Variants in TRPM3 observed in about 807,000 individuals in gnomAD.
TRPM3 encodes the protein long transient receptor potential channel 3.
TRPM3 carries 77 observed loss-of-function variants against 181.2 expected under a neutral mutation model. The ratio of observed to expected loss-of-function variants is 0.42; its 90% CI spans 0.35 to 0.51. The LOEUF (loss-of-function observed/expected upper bound fraction) is 0.51. Among genes scored for constraint, TRPM3 ranks in the 20% least tolerant of loss-of-function variants. TRPM3 has a pLI of 0.01. For synonymous variants in TRPM3, 745 were observed against 796.4 expected (o/e 0.94, Z 1.09); for missense variants, 1,759 against 2,196.7 (o/e 0.80, Z 3.98).
chr9:70,947,059 G>A (rs573958787), intron 1 of TRPM3, among the ~76,000 whole-genome samples: 6 of 152,074 alleles, frequency 3.9e-5, no homozygotes, highest in South Asian at 2.1e-4. Context: ...ACATGTATAC[G>A]CATTTTATTT....
At chr9:71,073,169 C>T (rs1035645574) in intron 1 of TRPM3, among the ~76,000 whole-genome samples, 2 of 152,042 alleles carry the variant, frequency 1.3e-5, no homozygotes, top group Non-Finnish European at 2.9e-5. Context: ...AGACATAGTG[C>T]ATGAAAACAA....
chr9:70,618,770 T>C (rs1164357300), intron 17 of TRPM3, 97 bp downstream of exon 17: 26 of 997,050 alleles, frequency 2.6e-5, no homozygotes, highest in East Asian at 7.6e-5. Context: ...CCTCCTGAGA[T>C]AAGAGGATGC....
chr9:71,244,307 A>AC (rs2081907060), intron 1 of TRPM3, among the ~76,000 whole-genome samples: 1 of 152,042 alleles, frequency 6.6e-6, no homozygotes, highest in Non-Finnish European at 1.5e-5. Context: ...GGTCCCTTTG[A>AC]CCTGAGTCTA....
intron 1 of TRPM3, among the ~76,000 whole-genome samples, chr9:71,334,541 C>A (rs985026385): frequency 1.4e-5 from 2 of 147,638 alleles, no homozygotes; most frequent in African/African-American, 2.5e-5. Flanking sequence ...CCTGTCTTAC[C>A]CACTCTCAAC....
chr9:70,748,894 T>C (rs979250821), intron 8 of TRPM3, among the ~76,000 whole-genome samples: 107 of 152,178 alleles, frequency 7.0e-4, no homozygotes, highest in Non-Finnish European at 1.8e-4. Flanking sequence ...TTTTGTTTTT[T>C]ATTTTTTTGA....
intron 1 of TRPM3, among the ~76,000 whole-genome samples, chr9:71,070,102 C>A (rs999005863): frequency 6.6e-6 from 1 of 152,174 alleles, no homozygotes; most frequent in African/African-American, 2.4e-5. Context: ...ACTCTCATCA[C>A]CCCAATCAGC....
chr9:71,308,850 A>C (rs2087638774), intron 1 of TRPM3, among the ~76,000 whole-genome samples: 2 of 151,842 alleles, frequency 1.3e-5, no homozygotes, highest in South Asian at 4.2e-4. Flanking sequence ...TGGGTCTTGC[A>C]TTGACATTAA....
chr9:71,406,923 C>G (rs1342042), intron 1 of TRPM3, among the ~76,000 whole-genome samples: 150,280 of 152,224 alleles, frequency 0.99, 74,220 homozygotes, highest in East Asian at 1. Flanking sequence ...CCAGTATCAG[C>G]GCTGCAAAGA....
intron 1 of TRPM3, among the ~76,000 whole-genome samples, chr9:71,226,009 T>TAAAAAAAAAA: frequency 1.2e-4 from 4 of 34,706 alleles, no homozygotes; most frequent in Non-Finnish European, 1.5e-4. Flanking sequence ...CAACAAAAGG[T>TAAAAAAAAAA]AAAAAAAAAA....
chr9:71,082,991 T>A (rs2064632620), intron 1 of TRPM3, among the ~76,000 whole-genome samples: 1 of 152,062 alleles, frequency 6.6e-6, no homozygotes, highest in Non-Finnish European at 1.5e-5. Context: ...TTCTAGCATG[T>A]CCCAAATAGA....
chr9:70,864,446 G>A lies in TRPM3; in HGVS notation c.243C>T (p.Thr81=). ...KRECVHIIPS[T]KDPHRCCCGR... is the part of the protein sequence containing the mutation. ...AGCAAGATTACCTATGGGGGTCTTTGGTGCTGGGTATGATGTGGACACATT... is the reference window on the plus strand; with the variant it reads ...AGCAAGATTACCTATGGGGGTCTTTAGTGCTGGGTATGATGTGGACACATT... The change falls in exon 2 of 26, where the codon ACC becomes ACT. Residue 81 remains threonine, a synonymous_variant. Coordinates refer to ENST00000677713, the MANE Select transcript of TRPM3 (RefSeq NM_001366145.2). 6.7e-7 allele frequency: 1 copy of A among 1,485,134 alleles called. No individual in the cohort carries two copies. Among genetic ancestry groups the A allele is most frequent in the Non-Finnish European group, 8.9e-7 (1 of 1,123,732 alleles). 92.0% of individuals were successfully genotyped at this position (1,485,134 alleles called of 1,614,324 possible). A position where few individuals can be genotyped will look rare whatever the true frequency, so the allele number is the denominator to read the frequency against.
intron 1 of TRPM3, among the ~76,000 whole-genome samples, chr9:71,302,692 G>A (rs909003236): frequency 6.6e-6 from 1 of 151,928 alleles, no homozygotes; most frequent in Non-Finnish European, 1.5e-5. Context: ...TTTGTTGAGA[G>A]GATGGATTTA....
intron 1 of TRPM3, among the ~76,000 whole-genome samples, chr9:71,301,592 T>C (rs2086782745): frequency 6.6e-6 from 1 of 152,202 alleles, no homozygotes; most frequent in African/African-American, 2.4e-5. Flanking sequence ...AACTTTTCTC[T>C]ATGTATATCT....
chr9:71,422,553 T>C (rs745702694), intron 1 of TRPM3, among the ~76,000 whole-genome samples: 4 of 152,080 alleles, frequency 2.6e-5, no homozygotes, highest in Non-Finnish European at 5.9e-5. Context: ...TTACGAAATG[T>C]AGTTTGAAAA....
At chr9:70,635,060 TACACACACACAC>T in intron 12 of TRPM3, 139 bp downstream of exon 12, 3 of 546,544 alleles carry the variant, frequency 5.5e-6, no homozygotes, top group Non-Finnish European at 9.7e-6. Flanking sequence ...AAAAGACACA[TACACACACACAC>T]ACACACACAC....
At chr9:70,885,194 G>A (rs1445273363) in intron 1 of TRPM3, among the ~76,000 whole-genome samples, 3 of 152,096 alleles carry the variant, frequency 2.0e-5, no homozygotes, top group Non-Finnish European at 4.4e-5. Context: ...CTTAAAGCAG[G>A]ATTTCTCAAC....
chr9:71,356,183 T>C (rs17618336), intron 1 of TRPM3, among the ~76,000 whole-genome samples: 29,278 of 152,156 alleles, frequency 0.19, 3,682 homozygotes, highest in Middle Eastern at 0.3. Flanking sequence ...CATATGCTTT[T>C]AACGGAATTT....
At position 71,067,417 on chromosome 9, in the gene TRPM3, T is replaced by C. The variant is rs573552191; in HGVS notation, c.177+53761A>G. 1.7e-4 allele frequency among the ~76,000 whole-genome samples: 26 copies of C among 152,304 alleles called. No individual in the cohort carries two copies. The East Asian group carries it at 4.6e-3, about 27-fold the overall frequency. Reference sequence around the variant, plus strand: ...GTGTTTCTTCATTTGAGAACTCATGTTGAAGTGCAGAAGTTAGCAGGAAAA... The same window carrying C: ...GTGTTTCTTCATTTGAGAACTCATGCTGAAGTGCAGAAGTTAGCAGGAAAA... On this transcript the variant is annotated intron_variant, in intron 1 of 25. Coordinates refer to ENST00000677713, the MANE Select transcript of TRPM3 (RefSeq NM_001366145.2).
intron 1 of TRPM3, among the ~76,000 whole-genome samples, chr9:71,306,541 A>C (rs184031755): frequency 6.6e-6 from 1 of 152,174 alleles, no homozygotes; most frequent in Non-Finnish European, 1.5e-5. Context: ...TAAATTCACT[A>C]TTCTGATATC....
Sources: gnomAD v4.1 joint callset for allele counts (sites outside exome capture counted in the v4.1 genomes callset) on GRCh38, gnomAD v4.1.1 for gene constraint, MANE v1.5 for transcripts, NCBI Gene and HGNC (gene_info 2026-07-23, HGNC 2026-07-21) for gene names.